TUBGCP5: variants seen among roughly 807,000 people sequenced by gnomAD.
TUBGCP5 encodes the protein tubulin gamma complex component 5.
TUBGCP5 carries 98 observed loss-of-function variants against 134.7 expected under a neutral mutation model. The ratio of observed to expected loss-of-function variants is 0.73; its 90% CI spans 0.62 to 0.86. TUBGCP5 has a LOEUF of 0.86. Ranked by LOEUF, TUBGCP5 falls within the 40% of genes least tolerant of loss-of-function variation. The pLI, the probability that TUBGCP5 is intolerant of heterozygous loss-of-function variation, is 0.00. For missense variants in TUBGCP5, 1,150 were observed against 1,244.8 expected, an observed-to-expected ratio of 0.92 and a Z score of 1.15; for synonymous variants, 456 against 431.4, an observed-to-expected ratio of 1.06 and a Z score of -0.71.
At chr15:23,012,871 C>T (rs1184680849) in intron 13 of TUBGCP5, among the ~76,000 whole-genome samples, 6 of 152,060 alleles carry the variant, frequency 3.9e-5, no homozygotes, top group African/African-American at 7.2e-5. Context: ...CTTTAAGAGG[C>T]GGGTGGATCA....
intron 1 of TUBGCP5, among the ~76,000 whole-genome samples, chr15:23,038,959 G>T (rs1407229319): frequency 6.6e-6 from 1 of 152,100 alleles, no homozygotes; most frequent in Non-Finnish European, 1.5e-5. Context: ...TTGGAAAAAG[G>T]AGAGCAGGGT....
chr15:23,039,489 C>T lies in TUBGCP5; in HGVS notation c.55G>A (p.Val19Met). ...GCGACACCCCGGACGAGCTCCCGCA[C>T]GTCGCGCTCCTGCTGCGCGTCCAAC... is the stretch of plus-strand genomic sequence containing the variant. ...SRLDAQQERD[V>M]RELVRGVAGL... The change falls in exon 1 of 23, where the codon GTG becomes ATG. Residue 19 changes from valine to methionine, a missense_variant. Coordinates refer to ENST00000615383, the MANE Select transcript of TUBGCP5 (RefSeq NM_052903.6). The T allele has an allele frequency of 3.3e-6, 5 of 1,523,960 alleles. No individual in the cohort carries two copies. The highest frequency in any genetic ancestry group is 4.4e-6 in the Non-Finnish European group (5 of 1,131,012). The allele number at this position is 1,523,960 out of a possible 1,614,324, so 94.4% of individuals were successfully genotyped here. A position where few individuals can be genotyped will look rare whatever the true frequency, so the allele number is the denominator to read the frequency against.
At chr15:23,028,877 C>T (rs1399940729) in intron 6 of TUBGCP5, among the ~76,000 whole-genome samples, 1 of 152,084 alleles carries the variant, frequency 6.6e-6, no homozygotes, top group African/African-American at 2.4e-5. Context: ...CATCAATATT[C>T]GCAGATGATA....
chr15:22,986,475 C>G (rs1029042698), intron 23 of TUBGCP5, among the ~76,000 whole-genome samples: 9 of 151,994 alleles, frequency 5.9e-5, no homozygotes, highest in Admixed American at 5.9e-4. Context: ...GGTGGTTCAC[C>G]CCTGTAATCC....
intron 13 of TUBGCP5, among the ~76,000 whole-genome samples, chr15:23,016,668 C>T (rs929040937): frequency 4.0e-5 from 6 of 151,724 alleles, no homozygotes; most frequent in Non-Finnish European, 5.9e-5. Flanking sequence ...TTATTTATCA[C>T]GAAGACAAAA....
Position 22,999,559 on chromosome 15 carries a change from T to C in TUBGCP5, c.*261A>G, listed in dbSNP as rs1309033355. ...GGGACTACAGGTACACACCACCATG[T>C]CTGGATACATTTTGTATTTTTGGTA... is the stretch of plus-strand genomic sequence containing the variant. On this transcript the variant is annotated 3_prime_UTR_variant, in exon 23 of 23. Transcript: ENST00000615383. 4.3e-6 allele frequency: 2 copies of C among 464,274 alleles called. No homozygotes were observed. Among genetic ancestry groups the C allele is most frequent in the Non-Finnish European group, 7.9e-6 (2 of 252,414 alleles). 28.8% of individuals were successfully genotyped at this position (464,274 alleles called of 1,614,324 possible).
chr15:23,025,991 T>C lies in TUBGCP5; in HGVS notation c.827+125A>G, dbSNP rs1045813295. ...CTCCACAGTCAAATCTGGTCCGAAC[T>C]TCACACCTAATGGACCTTTTCTAGT... On this transcript the variant is annotated intron_variant, in intron 8 of 22. Coordinates refer to ENST00000615383, the MANE Select transcript of TUBGCP5 (RefSeq NM_052903.6). 1.3e-5 allele frequency: 9 copies of C among 673,856 alleles called. No homozygotes were observed. The African/African-American group carries it at 1.5e-4, about 11-fold the overall frequency. The allele number at this position is 673,856 out of a possible 1,614,324, so 41.7% of individuals were successfully genotyped here. A position where few individuals can be genotyped will look rare whatever the true frequency, so the allele number is the denominator to read the frequency against.
intron 23 of TUBGCP5, among the ~76,000 whole-genome samples, chr15:22,991,288 G>A (rs112203466): frequency 5.9e-4 from 90 of 152,118 alleles, no homozygotes; most frequent in African/African-American, 2.0e-3. Context: ...TAGAGACGGG[G>A]TTTCACCATG....
intron 13 of TUBGCP5, among the ~76,000 whole-genome samples, chr15:23,014,579 G>T (rs1279453357): frequency 6.7e-6 from 1 of 149,798 alleles, no homozygotes; most frequent in Non-Finnish European, 1.5e-5. Flanking sequence ...CTCAGAAGCA[G>T]CCTCATGGGC....
At chr15:23,011,762 C>T (rs545857088) in intron 13 of TUBGCP5, among the ~76,000 whole-genome samples, 37 of 147,886 alleles carry the variant, frequency 2.5e-4, no homozygotes, top group African/African-American at 7.8e-4. Context: ...CCACCCGCCT[C>T]AGCCTCCCAA....
intron 6 of TUBGCP5, among the ~76,000 whole-genome samples, chr15:23,028,931 T>C (rs962744587): frequency 2.0e-5 from 3 of 152,148 alleles, no homozygotes; most frequent in Admixed American, 6.5e-5. Context: ...CAAACTATTA[T>C]GAGAATTCAG....
At chr15:23,031,759 G>T (rs1198491195) in intron 5 of TUBGCP5, among the ~76,000 whole-genome samples, 191 bp downstream of exon 5, 5 of 152,052 alleles carry the variant, frequency 3.3e-5, no homozygotes, top group African/African-American at 1.2e-4. Context: ...ACCATGCCCG[G>T]CCCCTTTTAA....
rs1405432865 is a variant in TUBGCP5 at position 23,019,526 on chromosome 15, G to T, written c.1372-192C>A. The T allele has an allele frequency of 8.7e-6, 5 of 571,746 alleles. 1 individual carries two copies. In the Admixed American group the frequency reaches 1.2e-4, roughly 14 times the overall value. The allele number at this position is 571,746 out of a possible 1,614,324, so 35.4% of individuals were successfully genotyped here. ...AAAAACTCACCTAAATGCCGGGCGT[G>T]GTGGCTCACGCCTGTGATCCCAGCA... On this transcript the variant is annotated intron_variant, in intron 11 of 22. Transcript: ENST00000615383.
chr15:23,008,919 G>T, intron 15 of TUBGCP5, 38 bp from the exon 16 acceptor site: 1 of 1,482,828 alleles, frequency 6.7e-7, no homozygotes, highest in Non-Finnish European at 9.0e-7. Context: ...AAGATCTCTG[G>T]CATTCGTAAG....
chr15:22,992,228 C>T (rs2063866679), intron 23 of TUBGCP5, among the ~76,000 whole-genome samples: 2 of 152,108 alleles, frequency 1.3e-5, no homozygotes, highest in South Asian at 4.1e-4. Context: ...AGGCATCTGG[C>T]TCATCTTCAT....
At chr15:23,001,717 T>A (rs957846170) in intron 21 of TUBGCP5, among the ~76,000 whole-genome samples, 1 of 151,828 alleles carries the variant, frequency 6.6e-6, no homozygotes, top group African/African-American at 2.4e-5. Flanking sequence ...GGGGTTTCCA[T>A]GGCCCACTGC....
Position 23,019,223 on chromosome 15 carries a change from G to A in TUBGCP5, c.1483C>T (p.Gln495Ter), listed in dbSNP as rs2065515469. 1 of 1,612,078 alleles carries A rather than the reference G, an allele frequency of 6.2e-7. No individual in the cohort carries two copies. The highest frequency in any genetic ancestry group is 1.7e-5 in the Admixed American group (1 of 59,918). ...LWDGAREFII[Q>*]RNKNVPVNHR... ...TTGTGCTCTGCTGCAGCTCACCTCT[G>A]GATGATGAACTCCCTGGCGCCATCC... Residue 495 changes from glutamine (Q) to a stop codon, truncating the protein, a stop_gained, in exon 12 of 23, where the codon CAG becomes TAG. Transcript: ENST00000615383. LOFTEE classifies it high-confidence loss of function.
chr15:23,009,801 G>T, intron 15 of TUBGCP5, 144 bp downstream of exon 15: 2 of 542,788 alleles, frequency 3.7e-6, no homozygotes, highest in Non-Finnish European at 5.9e-6. Flanking sequence ...AATATTGATG[G>T]TCAATTGATT....
chr15:23,003,292 G>T, intron 20 of TUBGCP5, 139 bp from the exon 21 acceptor site: 1 of 730,194 alleles, frequency 1.4e-6, no homozygotes, highest in Non-Finnish European at 2.3e-6. Flanking sequence ...AAGGGTACTA[G>T]GCTCTGAACC....
Sources: gnomAD v4.1 joint callset for allele counts (sites outside exome capture counted in the v4.1 genomes callset) on GRCh38, gnomAD v4.1.1 for gene constraint, MANE v1.5 for transcripts, NCBI Gene and HGNC (gene_info 2026-07-23, HGNC 2026-07-21) for gene names.